BCL2L1: variants seen among roughly 807,000 people sequenced by gnomAD.
The protein encoded by BCL2L1 is BCL2 like 1.
BCL2L1 carries 1 observed loss-of-function variant against 18.7 expected under a neutral mutation model. The observed-to-expected ratio is 0.05, with a 90% CI of 0.02 to 0.25. The LOEUF is 0.25. BCL2L1 is among the 10% of genes least tolerant of loss of function. BCL2L1 has a pLI of 1.00. For missense variants in BCL2L1, 207 were observed against 304.9 expected, an observed-to-expected ratio of 0.68 and a Z score of 2.39; for synonymous variants, 103 against 122.7, an observed-to-expected ratio of 0.84 and a Z score of 1.06.
chr20:31,673,121 G>A (rs1387472147), intron 2 of BCL2L1, among the ~76,000 whole-genome samples: 3 of 149,188 alleles, frequency 2.0e-5, no homozygotes, highest in Non-Finnish European at 1.5e-5. Context: ...GCCCAGGCTG[G>A]AGTGCAGTGG....
intron 2 of BCL2L1, among the ~76,000 whole-genome samples, chr20:31,688,604 T>C (rs922001982): frequency 6.6e-5 from 10 of 152,200 alleles, no homozygotes; most frequent in South Asian, 4.1e-4. Context: ...CCAGGCTAAC[T>C]AACCCTATTA....
chr20:31,683,769 C>CAAAAAAAAAAAAAAAAAAAA (rs372160646), intron 2 of BCL2L1, among the ~76,000 whole-genome samples: 1 of 80,668 alleles, frequency 1.2e-5, no homozygotes, highest in Admixed American at 1.7e-4. Flanking sequence ...AACTCCATCT[C>CAAAAAAAAAAAAAAAAAAAA]AAAAAAAAAA....
At chr20:31,691,451 T>C (rs982374280) in intron 2 of BCL2L1, among the ~76,000 whole-genome samples, 4 of 150,342 alleles carry the variant, frequency 2.7e-5, no homozygotes, top group Non-Finnish European at 5.9e-5. Flanking sequence ...GAGGCGGAGG[T>C]TGCAATGAGC....
chr20:31,667,100 C>G (rs1397151819), intron 2 of BCL2L1, among the ~76,000 whole-genome samples: 1 of 152,130 alleles, frequency 6.6e-6, no homozygotes, highest in South Asian at 2.1e-4. Flanking sequence ...TCAAGGTCAC[C>G]CAGCTGTGTC....
At chr20:31,678,550 T>C (rs1315672207) in intron 2 of BCL2L1, among the ~76,000 whole-genome samples, 1 of 152,122 alleles carries the variant, frequency 6.6e-6, no homozygotes, top group Non-Finnish European at 1.5e-5. Context: ...GTAATTAGTG[T>C]GTAAATTGAG....
chr20:31,676,833 AT>A (rs1294057584), intron 2 of BCL2L1, among the ~76,000 whole-genome samples: 3 of 152,162 alleles, frequency 2.0e-5, no homozygotes, highest in Admixed American at 6.5e-5. Flanking sequence ...TTATGCACTT[AT>A]GGAGAGCTCC....
chr20:31,679,385 A>C (rs1461146092), intron 2 of BCL2L1, among the ~76,000 whole-genome samples: 1 of 152,170 alleles, frequency 6.6e-6, no homozygotes, highest in African/African-American at 2.4e-5. Flanking sequence ...TGAGGCCCAG[A>C]GGAAGTGAAG....
intron 2 of BCL2L1, among the ~76,000 whole-genome samples, chr20:31,683,228 G>A (rs945205617): frequency 2.6e-5 from 4 of 152,002 alleles, no homozygotes; most frequent in Non-Finnish European, 4.4e-5. Context: ...CTGATCTCCC[G>A]TGCTCTTCCT....
chr20:31,697,460 C>T (rs1397839666), intron 2 of BCL2L1, among the ~76,000 whole-genome samples: 4 of 150,374 alleles, frequency 2.7e-5, no homozygotes, highest in African/African-American at 4.9e-5. Flanking sequence ...TTTTTTTAGA[C>T]GGAGTCTCGC....
chr20:31,671,530 C>T (rs2060668107), intron 2 of BCL2L1, among the ~76,000 whole-genome samples: 1 of 152,122 alleles, frequency 6.6e-6, no homozygotes, highest in Non-Finnish European at 1.5e-5. Flanking sequence ...CTTCCCTGCT[C>T]ATCCCTCCCC....
In BCL2L1 at chr20:31,689,743, C is replaced by A. The variant is rs1285276832; in HGVS notation, c.565-23657G>T. Among the ~76,000 whole-genome samples, 3 of 152,044 alleles carry A rather than the reference C, an allele frequency of 2.0e-5. 1 individual carries two copies. The highest frequency in any genetic ancestry group is 4.4e-5 in the Non-Finnish European group (3 of 68,008). Reference sequence around the variant, plus strand: ...TTAAGAAAAGATGTTCTGCCAGGCGCGGTGGCGCACGCCTGTAATCCCAGC... The same window carrying A: ...TTAAGAAAAGATGTTCTGCCAGGCGAGGTGGCGCACGCCTGTAATCCCAGC... On this transcript the variant is annotated intron_variant, in intron 2 of 2. Transcript: ENST00000307677.
At chr20:31,711,086 G>A (rs2061446640) in intron 2 of BCL2L1, among the ~76,000 whole-genome samples, 2 of 152,198 alleles carry the variant, frequency 1.3e-5, no homozygotes, top group Non-Finnish European at 2.9e-5. Context: ...CATCTTCACA[G>A]GAGAGCATTT....
chr20:31,672,230 C>G (rs760232009), intron 2 of BCL2L1, among the ~76,000 whole-genome samples: 21 of 151,734 alleles, frequency 1.4e-4, no homozygotes, highest in Non-Finnish European at 3.1e-4. Context: ...TTTGGGAGGC[C>G]GAGGCAGGCA....
intron 2 of BCL2L1, among the ~76,000 whole-genome samples, chr20:31,709,796 C>T (rs1430166480): frequency 2.1e-5 from 3 of 142,668 alleles, no homozygotes; most frequent in Non-Finnish European, 3.0e-5. Context: ...GATCGTGCCA[C>T]TGCACTCCAG....
intron 2 of BCL2L1, among the ~76,000 whole-genome samples, chr20:31,693,628 G>A (rs1251421290): frequency 6.6e-6 from 1 of 152,072 alleles, no homozygotes; most frequent in African/African-American, 2.4e-5. Context: ...AAACTCCTGG[G>A]CTCAGGTGAT....
intron 2 of BCL2L1, among the ~76,000 whole-genome samples, chr20:31,688,457 AAAAG>A (rs1356289435): frequency 3.3e-5 from 5 of 151,546 alleles, no homozygotes; most frequent in Admixed American, 6.6e-5. Flanking sequence ...AAAAAAAAAA[AAAAG>A]AAAGAAAAGA....
chr20:31,694,840 C>T (rs148731629), intron 2 of BCL2L1, among the ~76,000 whole-genome samples: 25 of 152,068 alleles, frequency 1.6e-4, no homozygotes, highest in African/African-American at 5.3e-4. Context: ...AAGATAGAGG[C>T]GGGAGGATCA....
At chr20:31,689,848 T>C (rs1303099446) in intron 2 of BCL2L1, among the ~76,000 whole-genome samples, 2 of 152,132 alleles carry the variant, frequency 1.3e-5, no homozygotes, top group African/African-American at 2.4e-5. Context: ...AAATCCTGTC[T>C]CTGCTAAAAA....
intron 2 of BCL2L1, chr20:31,721,052 A>G: frequency 1.2e-6 from 1 of 861,982 alleles, no homozygotes; most frequent in African/African-American, 1.8e-5. Context: ...CACAATCTGC[A>G]CAGCCTACAC....
Sources: gnomAD v4.1 joint callset for allele counts (sites outside exome capture counted in the v4.1 genomes callset) on GRCh38, gnomAD v4.1.1 for gene constraint, MANE v1.5 for transcripts, NCBI Gene and HGNC (gene_info 2026-07-23, HGNC 2026-07-21) for gene names.